ERI1: variants seen among roughly 807,000 people sequenced by gnomAD.
The protein encoded by ERI1 is exoribonuclease 1.
A neutral mutation model predicts 39.7 loss-of-function variants in ERI1; 39 were observed. The observed-to-expected ratio is 0.98, with a 90% confidence interval of 0.76 to 1.28. The LOEUF is 1.28. ERI1 is among the 50% of genes most tolerant of loss of function. The pLI, the probability that ERI1 is intolerant of heterozygous loss-of-function variation, is 0.00. For synonymous variants in ERI1, 204 were observed against 149.6 expected (o/e 1.36, Z -2.65); for missense variants, 581 against 416.9 (o/e 1.39, Z -3.43).
At chr8:9,051,026 C>G (rs542799916) in intron 3 of ERI1, among the ~76,000 whole-genome samples, 1 of 151,926 alleles carries the variant, frequency 6.6e-6, no homozygotes, top group Non-Finnish European at 1.5e-5. Context: ...TTATTCTGGA[C>G]TTTAAAATGA....
intron 3 of ERI1, among the ~76,000 whole-genome samples, chr8:9,058,153 C>T (rs1260344028): frequency 6.6e-6 from 1 of 152,106 alleles, no homozygotes; most frequent in Non-Finnish European, 1.5e-5. Context: ...GAGGAGAGGG[C>T]GGAGCAGACA....
At chr8:9,066,130 C>T (rs756292889) in intron 3 of ERI1, among the ~76,000 whole-genome samples, 14 of 152,202 alleles carry the variant, frequency 9.2e-5, no homozygotes, top group Non-Finnish European at 1.8e-4. Context: ...TTCATCTCCA[C>T]CCTCTTCCTT....
chr8:9,034,720 G>A (rs757050565), downstream of ERI1, among the ~76,000 whole-genome samples: 9 of 151,994 alleles, frequency 5.9e-5, no homozygotes, highest in Non-Finnish European at 1.2e-4. Context: ...TCAGGTGAAA[G>A]GAAGAGTCAC....
In ERI1 at chr8:9,012,832, GAA is replaced by G. The variant is rs1388334038; in HGVS notation, c.498+1083_498+1084del. 5.9e-5 allele frequency among the ~76,000 whole-genome samples: 9 copies of G among 152,048 alleles called. No individual in the cohort carries two copies. The East Asian group carries it at 9.7e-4, about 16-fold the overall frequency. ...TGCATTTCTTTGTTCCTCTTTTTGG[GAA>G]AATTCTTCACTTAAGTTATAGGTAC... On this transcript the variant is annotated intron_variant, in intron 3 of 6. Coordinates refer to ENST00000250263, the MANE Select transcript of ERI1 (RefSeq NM_153332.4).
At chr8:9,027,431 A>G (rs908848930) in intron 6 of ERI1, among the ~76,000 whole-genome samples, 3 of 152,060 alleles carry the variant, frequency 2.0e-5, no homozygotes, top group East Asian at 1.9e-4. Flanking sequence ...CTTCTGTTCC[A>G]TGGGTTGCCA....
chr8:9,063,961 G>A (rs1020563021), intron 3 of ERI1, among the ~76,000 whole-genome samples: 1 of 151,864 alleles, frequency 6.6e-6, no homozygotes, highest in East Asian at 1.9e-4. Context: ...CAAGCCCAGA[G>A]AAAAGAGAGA....
At chr8:9,088,553 C>T (rs1012761656) in intron 3 of ERI1, 1 of 152,258 alleles carries the variant, frequency 6.6e-6, no homozygotes, top group Non-Finnish European at 1.5e-5. Flanking sequence ...TTTGTGTAAA[C>T]TGCTGGGAGA....
At chr8:9,029,401 T>TC (rs1479704809) in intron 6 of ERI1, among the ~76,000 whole-genome samples, 1 of 152,188 alleles carries the variant, frequency 6.6e-6, no homozygotes, top group Non-Finnish European at 1.5e-5. Flanking sequence ...TGATCTCAGC[T>TC]CGCTGCAGCC....
intron 3 of ERI1, among the ~76,000 whole-genome samples, chr8:9,083,943 G>T (rs1375356751): frequency 1.3e-5 from 2 of 152,076 alleles, no homozygotes; most frequent in Non-Finnish European, 2.9e-5. Context: ...ATAGGCACCT[G>T]CCACCATGCC....
intron 3 of ERI1, among the ~76,000 whole-genome samples, chr8:9,054,692 A>AG (rs1432915094): frequency 6.6e-6 from 1 of 152,256 alleles, no homozygotes; most frequent in African/African-American, 2.4e-5. Flanking sequence ...TGGGAGGCCA[A>AG]GGGGGGCAGA....
Position 9,032,612 on chromosome 8 carries a change from G to C in ERI1, c.*2578G>C, listed in dbSNP as rs971078426. On this transcript the variant is annotated 3_prime_UTR_variant, in exon 7 of 7. Transcript: ENST00000250263. ...GCGTCACAAGCATGTTACCTATTAA[G>C]AGAGAGAGGGTATCTCTGAAGACTA... is the stretch of plus-strand genomic sequence containing the variant. 1 of 152,188 alleles carries C rather than the reference G, an allele frequency of 6.6e-6. No homozygotes were observed. Among genetic ancestry groups the C allele is most frequent in the African/African-American group, 2.4e-5 (1 of 41,430 alleles). 9.4% of individuals were successfully genotyped at this position (152,188 alleles called of 1,614,324 possible).
chr8:9,072,769 C>T (rs187863374), intron 3 of ERI1, among the ~76,000 whole-genome samples: 12 of 152,172 alleles, frequency 7.9e-5, no homozygotes, highest in South Asian at 4.2e-4. Flanking sequence ...AACAGAGTGA[C>T]CCCCCACCCC....
At chr8:9,038,434 C>G (rs915327980) in intron 3 of ERI1, among the ~76,000 whole-genome samples, 38 of 152,206 alleles carry the variant, frequency 2.5e-4, no homozygotes, top group African/African-American at 8.7e-4. Context: ...ATCATACTAT[C>G]ATACATCTTT....
At chr8:9,049,897 T>A (rs77886627) in intron 3 of ERI1, 3,764 of 152,378 alleles carry the variant, frequency 0.025, 135 homozygotes, top group East Asian at 0.2. Context: ...GAAGGCAATT[T>A]GAGTGCATGA....
At chr8:9,067,378 G>A (rs1798909789) in intron 3 of ERI1, among the ~76,000 whole-genome samples, 2 of 98,940 alleles carry the variant, frequency 2.0e-5, no homozygotes, top group Non-Finnish European at 1.9e-5. Flanking sequence ...TTTAACCTGT[G>A]TGCATGTGTG....
chr8:9,074,078 G>A (rs1322601742), intron 3 of ERI1, among the ~76,000 whole-genome samples: 4 of 150,174 alleles, frequency 2.7e-5, no homozygotes, highest in Admixed American at 1.3e-4. Context: ...ATAAGCCACC[G>A]CACCCAGCCA....
chr8:9,004,839 C>T (rs1239385658), intron 1 of ERI1, among the ~76,000 whole-genome samples: 2 of 152,002 alleles, frequency 1.3e-5, no homozygotes, highest in Non-Finnish European at 2.9e-5. Flanking sequence ...AGGAACCCAC[C>T]ACCACGCTTG....
At chr8:9,017,788 G>T (rs895653159) in intron 4 of ERI1, among the ~76,000 whole-genome samples, 1 of 152,146 alleles carries the variant, frequency 6.6e-6, no homozygotes, top group African/African-American at 2.4e-5. Flanking sequence ...GATCCTGAAG[G>T]GTCTTGTGCA....
chr8:9,029,863 C>A lies in ERI1; in HGVS notation c.879C>A (p.His293Gln). ...GAATGGATTATGATGGGCGGCCTCA[C>A]TGTGGTCTTGATGACTCTAAGAATA... The part of the protein sequence containing the change: ...KLGMDYDGRP[H>Q]CGLDDSKNIA... The change falls in exon 7 of 7, where the codon CAC (histidine) becomes CAA (glutamine). Residue 293 changes from histidine (H) to glutamine (Q), a missense_variant. His to Gln is a conservative substitution (Grantham distance 24, BLOSUM62 0). Transcript: ENST00000250263. 2 of 1,614,176 alleles carry A rather than the reference C, an allele frequency of 1.2e-6. No homozygotes were observed. The highest frequency in any genetic ancestry group is 1.7e-6 in the Non-Finnish European group (2 of 1,180,032).
Sources: gnomAD v4.1 joint callset for allele counts (sites outside exome capture counted in the v4.1 genomes callset) on GRCh38, gnomAD v4.1.1 for gene constraint, MANE v1.5 for transcripts, NCBI Gene and HGNC (gene_info 2026-07-23, HGNC 2026-07-21) for gene names.